ARK2C: variants seen among roughly 807,000 people sequenced by gnomAD.
The protein encoded by ARK2C is E3 ubiquitin-protein ligase ARK2C.
At chr18:46,393,901 AAT>A in the ARK2C span, among the ~76,000 whole-genome samples, 2 of 152,166 alleles carry the variant, frequency 1.3e-5, no homozygotes, top group African/African-American at 4.8e-5. Context: ...AATCCTTCTG[AAT>A]ATTAGTTGAT....
At chr18:46,426,583 T>C in the ARK2C span, among the ~76,000 whole-genome samples, 1 of 152,190 alleles carries the variant, frequency 6.6e-6, no homozygotes, top group Admixed American at 6.5e-5. Flanking sequence ...CACCCCCTGC[T>C]TTATGGTACA....
the ARK2C span, chr18:46,335,444 C>T: frequency 6.6e-6 from 1 of 152,176 alleles, no homozygotes; most frequent in African/African-American, 2.4e-5. Context: ...CAAGCAAATC[C>T]GAGATGCATT....
the ARK2C span, among the ~76,000 whole-genome samples, chr18:46,397,466 GT>G: frequency 7.0e-6 from 1 of 142,336 alleles, no homozygotes; most frequent in Non-Finnish European, 1.5e-5. Context: ...GTGTGTGTGT[GT>G]GTGGTCATGC....
At chr18:46,372,626 C>G in the ARK2C span, among the ~76,000 whole-genome samples, 2 of 152,174 alleles carry the variant, frequency 1.3e-5, no homozygotes, top group African/African-American at 4.8e-5. Context: ...ATGAGAGAGG[C>G]TGGCCTAAGG....
the ARK2C span, among the ~76,000 whole-genome samples, chr18:46,360,761 G>A: frequency 2.6e-5 from 4 of 152,300 alleles, no homozygotes; most frequent in Admixed American, 1.3e-4. Flanking sequence ...AATACGCCTG[G>A]GCACACGAGG....
chr18:46,419,705 G>T, the ARK2C span, among the ~76,000 whole-genome samples: 1 of 152,210 alleles, frequency 6.6e-6, no homozygotes, highest in African/African-American at 2.4e-5. Flanking sequence ...TCACAAGGCA[G>T]GGGCAGCCAA....
the ARK2C span, among the ~76,000 whole-genome samples, chr18:46,432,852 G>A: frequency 3.3e-5 from 5 of 152,214 alleles, no homozygotes; most frequent in Non-Finnish European, 4.4e-5. Context: ...GGCTGAGGCA[G>A]GAAAGTGGCG....
the ARK2C span, among the ~76,000 whole-genome samples, chr18:46,432,840 G>A: frequency 6.6e-6 from 1 of 152,216 alleles, no homozygotes; most frequent in Non-Finnish European, 1.5e-5. Flanking sequence ...AGCTACTCGG[G>A]AGGCTGAGGC....
At chr18:46,456,140 C>G in the ARK2C span, 1 of 1,009,798 alleles carries the variant, frequency 9.9e-7, no homozygotes. Context: ...TGACCAATCA[C>G]TGCACCGTGT....
chr18:46,368,028 C>T, the ARK2C span, among the ~76,000 whole-genome samples: 1 of 152,216 alleles, frequency 6.6e-6, no homozygotes, highest in African/African-American at 2.4e-5. Context: ...ATGCAGATTC[C>T]TGGGCCTGGC....
chr18:46,412,784 C>T, the ARK2C span, among the ~76,000 whole-genome samples: 3 of 152,114 alleles, frequency 2.0e-5, no homozygotes, highest in Admixed American at 1.3e-4. Flanking sequence ...ACAGCCAACG[C>T]GGAGTGACCA....
the ARK2C span, among the ~76,000 whole-genome samples, chr18:46,392,918 C>T: frequency 6.6e-6 from 1 of 152,088 alleles, no homozygotes; most frequent in Admixed American, 6.5e-5. Context: ...CTCTGGATTC[C>T]AGCTCCAGAA....
chr18:46,414,125 G>A, the ARK2C span, among the ~76,000 whole-genome samples: 4 of 152,162 alleles, frequency 2.6e-5, no homozygotes, highest in Non-Finnish European at 5.9e-5. Context: ...TGGCAATATC[G>A]TTATGCTCAT....
the ARK2C span, among the ~76,000 whole-genome samples, chr18:46,340,730 G>C: frequency 6.6e-6 from 1 of 152,220 alleles, no homozygotes; most frequent in African/African-American, 2.4e-5. Flanking sequence ...CTACCTGATA[G>C]GCTATGTCTA....
the ARK2C span, chr18:46,456,955 C>A: frequency 2.7e-6 from 1 of 366,470 alleles, no homozygotes; most frequent in South Asian, 2.7e-5. Flanking sequence ...CACTAGCTGA[C>A]AGACGGGCCC....
chr18:46,383,775 T>C, the ARK2C span, among the ~76,000 whole-genome samples: 81 of 152,230 alleles, frequency 5.3e-4, 1 homozygote, highest in Middle Eastern at 0.01. Context: ...AGGATGGTCT[T>C]GATCTGACCT....
At chr18:46,341,369 AG>A in the ARK2C span, among the ~76,000 whole-genome samples, 2 of 151,902 alleles carry the variant, frequency 1.3e-5, no homozygotes, top group African/African-American at 4.8e-5. Context: ...GGCTCACATC[AG>A]GGAGTTTACT....
At chr18:46,441,924 G>A in the ARK2C span, among the ~76,000 whole-genome samples, 1 of 151,054 alleles carries the variant, frequency 6.6e-6, no homozygotes, top group African/African-American at 2.4e-5. Flanking sequence ...CAGCACTTTG[G>A]GAGGCCGAGA....
At chr18:46,449,968 C>T in the ARK2C span, among the ~76,000 whole-genome samples, 1 of 152,106 alleles carries the variant, frequency 6.6e-6, no homozygotes, top group Non-Finnish European at 1.5e-5. Flanking sequence ...TATTGTACCT[C>T]ATTTACCCCA....
Sources: allele counts gnomAD v4.1 joint callset (sites outside exome capture counted in the v4.1 genomes callset), GRCh38; gene constraint gnomAD v4.1.1; transcripts MANE v1.5; gene names NCBI Gene and HGNC (gene_info 2026-07-23, HGNC 2026-07-21).